ATRN: variants seen among roughly 807,000 people sequenced by gnomAD.
ATRN encodes the protein attractin, also known as attractin-2.
ATRN carries 54 observed loss-of-function variants against 178.7 expected under a neutral mutation model. The observed-to-expected ratio is 0.30, with a 90% confidence interval of 0.24 to 0.38. The LOEUF is 0.38. Ranked by LOEUF, ATRN falls within the 10% of genes least tolerant of loss-of-function variation. The probability of loss-of-function intolerance (pLI) is 1.00; values close to 1 mark genes in which losing one functional copy is unlikely to be tolerated. For missense variants in ATRN, 1,443 were observed against 1,815.1 expected (o/e 0.79, Z 3.73); for synonymous variants, 636 against 663.0 (o/e 0.96, Z 0.63).
rs1279887947 is a variant in ATRN, at chr20:3,584,844, G to A, written c.3148G>A (p.Asp1050Asn). Residue 1050 changes from aspartate to asparagine, a missense_variant, in exon 18 of 29, where the codon GAC (aspartate) becomes AAC (asparagine). Physicochemically the swap from Asp to Asn is conservative, Grantham distance 23. Coordinates refer to ENST00000262919, the MANE Select transcript of ATRN (RefSeq NM_139321.3). ...PLLNSSMCLE[D>N]SRYNWSFIHC... ...GCTCAATTCCAGCATGTGTCTAGAG[G>A]ACAGCAGATACAACTGGTCTTTCAT... 6.2e-7 allele frequency: 1 copy of A among 1,614,146 alleles called. No homozygotes were observed. The highest frequency in any genetic ancestry group is 8.5e-7 in the Non-Finnish European group (1 of 1,180,030).
chr20:3,579,348 T>C (rs1218356229), intron 15 of ATRN, among the ~76,000 whole-genome samples: 2 of 152,056 alleles, frequency 1.3e-5, no homozygotes, highest in African/African-American at 4.8e-5. Context: ...TAGCCAGGCA[T>C]GGTGGTGTGC....
chr20:3,629,809 A>T (rs975990029), intron 25 of ATRN, among the ~76,000 whole-genome samples: 1 of 152,214 alleles, frequency 6.6e-6, no homozygotes, highest in Non-Finnish European at 1.5e-5. Context: ...GAACCGCCAA[A>T]TGGAAGACAT....
At chr20:3,576,514 G>A (rs2086211462) in intron 13 of ATRN, among the ~76,000 whole-genome samples, 1 of 151,966 alleles carries the variant, frequency 6.6e-6, no homozygotes, top group South Asian at 2.1e-4. Flanking sequence ...TTTGAAGTGA[G>A]CATTTGAAAA....
chr20:3,554,663 C>CT (rs1233815785), intron 6 of ATRN, among the ~76,000 whole-genome samples: 2 of 152,056 alleles, frequency 1.3e-5, no homozygotes, highest in African/African-American at 4.8e-5. Context: ...CATTTATACT[C>CT]TTACATGAAA....
At chr20:3,597,623 G>T (rs1234974242) in intron 21 of ATRN, among the ~76,000 whole-genome samples, 1 of 152,154 alleles carries the variant, frequency 6.6e-6, no homozygotes, top group Non-Finnish European at 1.5e-5. Flanking sequence ...TTGGAAAAGG[G>T]TATAGTGATA....
intron 3 of ATRN, among the ~76,000 whole-genome samples, chr20:3,541,223 G>A (rs981611722): frequency 9.2e-5 from 14 of 151,568 alleles, no homozygotes; most frequent in Admixed American, 2.6e-4. Context: ...GACTACAGGC[G>A]CCCGCTACCA....
intron 1 of ATRN, among the ~76,000 whole-genome samples, chr20:3,492,168 A>T (rs922115087): frequency 7.8e-5 from 11 of 140,580 alleles, no homozygotes; most frequent in Non-Finnish European, 1.2e-4. Flanking sequence ...TAGATAGGGG[A>T]GTGTGTGTGT....
rs58441132 is a variant in ATRN, at chr20:3,620,219, A to AGTTTTGTTTT, written c.3802-4255_3802-4246dup. Among the ~76,000 whole-genome samples the AGTTTTGTTTT allele has an allele frequency of 2.2e-3, 330 of 148,474 alleles. 1 individual carries two copies. Among genetic ancestry groups the AGTTTTGTTTT allele is most frequent in the African/African-American group, 6.7e-3 (267 of 39,788 alleles). On this transcript the variant is annotated intron_variant, in intron 24 of 28. Transcript: ENST00000262919. ...TGTCCAGGGAAAGGAGCACAGGAGGAGTTTTGTTTTGTTTTGTTTTGTTTT... is the reference window on the plus strand; with the variant it reads ...TGTCCAGGGAAAGGAGCACAGGAGGAGTTTTGTTTTGTTTTGTTTTGTTTTGTTTTGTTTT...
chr20:3,521,619 C>A (rs974400751), intron 1 of ATRN, among the ~76,000 whole-genome samples: 2 of 152,116 alleles, frequency 1.3e-5, no homozygotes, highest in Non-Finnish European at 1.5e-5. Flanking sequence ...TTATAGAAGA[C>A]TTGAATAACA....
chr20:3,486,753 CTT>C (rs2084700443), intron 1 of ATRN, among the ~76,000 whole-genome samples: 1 of 152,076 alleles, frequency 6.6e-6, no homozygotes, highest in Admixed American at 6.6e-5. Context: ...TTCCCTTTCT[CTT>C]TTGGTTGATT....
chr20:3,535,626 CAT>C (rs796505953), intron 2 of ATRN, among the ~76,000 whole-genome samples: 1,836 of 115,898 alleles, frequency 0.016, 32 homozygotes, highest in Middle Eastern at 0.054. Flanking sequence ...CACACACACA[CAT>C]ATATATTTAT....
intron 6 of ATRN, among the ~76,000 whole-genome samples, chr20:3,553,751 C>A (rs1049259045): frequency 1.3e-5 from 2 of 152,200 alleles, no homozygotes; most frequent in African/African-American, 4.8e-5. Context: ...CTAGACTGTT[C>A]CTGCTATTGT....
intron 15 of ATRN, among the ~76,000 whole-genome samples, chr20:3,579,472 C>T (rs1185264337): frequency 1.3e-5 from 2 of 151,898 alleles, no homozygotes; most frequent in South Asian, 2.1e-4. Context: ...GGTGACAGAG[C>T]GATACTCCGT....
At chr20:3,629,906 C>G (rs1198990428) in intron 25 of ATRN, among the ~76,000 whole-genome samples, 1 of 151,852 alleles carries the variant, frequency 6.6e-6, no homozygotes, top group African/African-American at 2.4e-5. Context: ...GATATATTCA[C>G]TATCCTGGAA....
intron 12 of ATRN, among the ~76,000 whole-genome samples, chr20:3,574,469 T>A (rs1056483980): frequency 2.6e-5 from 4 of 152,072 alleles, no homozygotes; most frequent in Non-Finnish European, 5.9e-5. Flanking sequence ...GAGGCATGAG[T>A]GTGCCAGTGC....
intron 5 of ATRN, 109 bp downstream of exon 5, chr20:3,547,598 A>G: frequency 1.1e-6 from 1 of 931,426 alleles, no homozygotes; most frequent in East Asian, 2.6e-5. Flanking sequence ...TATTAATCAA[A>G]TACGAGGTAG....
At chr20:3,565,872 A>AAC (rs1464426249) in intron 11 of ATRN, among the ~76,000 whole-genome samples, 1 of 151,934 alleles carries the variant, frequency 6.6e-6, no homozygotes, top group African/African-American at 2.4e-5. Flanking sequence ...AGATTCCCTC[A>AAC]TCCCAGTAGT....
chr20:3,479,128 A>C (rs2084580552), intron 1 of ATRN, among the ~76,000 whole-genome samples: 1 of 151,976 alleles, frequency 6.6e-6, no homozygotes, highest in African/African-American at 2.4e-5. Flanking sequence ...TGTCCCCAAG[A>C]GATCATCTCG....
At chr20:3,511,669 A>G (rs929886421) in intron 1 of ATRN, among the ~76,000 whole-genome samples, 18 of 152,214 alleles carry the variant, frequency 1.2e-4, no homozygotes, top group Non-Finnish European at 1.9e-4. Context: ...TAGATACAAA[A>G]TACTAATATG....
Sources: gnomAD v4.1 joint callset for allele counts (sites outside exome capture counted in the v4.1 genomes callset) on GRCh38, gnomAD v4.1.1 for gene constraint, MANE v1.5 for transcripts, NCBI Gene and HGNC (gene_info 2026-07-23, HGNC 2026-07-21) for gene names.